The following TFB2M variants were observed in gnomAD, a reference collection of about 807,000 sequenced individuals.
TFB2M encodes the protein transcription factor B2, mitochondrial.
A neutral mutation model predicts 41.3 loss-of-function variants in TFB2M; 44 were observed. The observed-to-expected ratio is 1.07, with a 90% CI of 0.84 to 1.37. The LOEUF (loss-of-function observed/expected upper bound fraction) is 1.37. Among genes scored for constraint, TFB2M ranks in the 40% most tolerant of loss-of-function variants. The pLI is 0.00. For synonymous variants in TFB2M, 188 were observed against 176.8 expected (o/e 1.06, Z -0.50); for missense variants, 496 against 490.2 (o/e 1.01, Z -0.11).
intron 6 of TFB2M, among the ~76,000 whole-genome samples, chr1:246,548,210 C>A (rs531841973): frequency 6.6e-6 from 1 of 152,050 alleles, no homozygotes; most frequent in Non-Finnish European, 1.5e-5. Flanking sequence ...TCGATTAATA[C>A]GTCATAAAAT....
intron 6 of TFB2M, among the ~76,000 whole-genome samples, chr1:246,548,136 G>A (rs1376135834): frequency 6.6e-6 from 1 of 151,996 alleles, no homozygotes. Flanking sequence ...TAATAGAGGC[G>A]GGGTTTCACC....
At position 246,557,505 on chromosome 1, in the gene TFB2M, T is replaced by C. The variant is rs1325887825; in HGVS notation, c.432A>G (p.Leu144=). Residue 144 remains leucine, a synonymous_variant, in exon 3 of 8, where the codon CTA becomes CTG. Coordinates refer to ENST00000366514, the MANE Select transcript of TFB2M (RefSeq NM_022366.3). ...TAAAGAAGTCACAGTGAATCACTCG[T>C]AGTTTTCCATCCAGATTTTTTCCTA... is the stretch of plus-strand genomic sequence containing the variant. The part of the protein sequence containing the change: ...ESLGKNLDGK[L]RVIHCDFFKL... 5 of 1,608,276 alleles carry C rather than the reference T, an allele frequency of 3.1e-6. No individual in the cohort carries two copies. Among genetic ancestry groups the C allele is most frequent in the African/African-American group, 2.7e-5 (2 of 74,638 alleles).
chr1:246,541,061 C>A lies in TFB2M; in HGVS notation c.1161G>T (p.Trp387Cys). ...IERSKDCAYK[W>C]LYDETLEDR ...TATCTTCCAGGGTTTCATCATACAG[C>A]CATTTATAAGCACAATCTTTGGAAC... Residue 387 changes from tryptophan to cysteine, a missense_variant, in exon 8 of 8, where the codon TGG becomes TGT. Transcript: ENST00000366514. The A allele has an allele frequency of 1.2e-6, 2 of 1,613,018 alleles. No individual in the cohort carries two copies. The highest frequency in any genetic ancestry group is 1.7e-6 in the Non-Finnish European group (2 of 1,179,472).
chr1:246,549,370 T>A (rs1190793913), intron 5 of TFB2M, among the ~76,000 whole-genome samples: 1 of 152,008 alleles, frequency 6.6e-6, no homozygotes, highest in African/African-American at 2.4e-5. Flanking sequence ...CCGCTTGAGC[T>A]CAGGGGTTCA....
At position 246,552,229 on chromosome 1, in the gene TFB2M, C is replaced by T. The variant is rs141127184; in HGVS notation, c.706-927G>A. ...GTTTGGGGGTTCAGTGTGAGATGAC[C>T]GTGCCTGTGAAAAGCCATAGCACTC... On this transcript the variant is annotated intron_variant, in intron 4 of 7. Coordinates refer to ENST00000366514, the MANE Select transcript of TFB2M (RefSeq NM_022366.3). Among the ~76,000 whole-genome samples the T allele has an allele frequency of 1.6e-4, 25 of 151,908 alleles. No homozygotes were observed. The East Asian group carries it at 2.3e-3, about 14-fold the overall frequency.
In TFB2M at chr1:246,565,825, C is replaced by A; in HGVS notation, c.313+1G>T. 6.9e-6 allele frequency: 11 copies of A among 1,597,242 alleles called. No homozygotes were observed. Among genetic ancestry groups the A allele is most frequent in the Non-Finnish European group, 7.7e-6 (9 of 1,165,748 alleles). On this transcript the variant is annotated splice_donor_variant, in intron 1 of 7. Coordinates refer to ENST00000366514, the MANE Select transcript of TFB2M (RefSeq NM_022366.3). LOFTEE classifies it high-confidence loss of function. ...AGAAAATGCAATTCAGCTGGACTCA[C>A]CTGGATTGCACTCCAGCAGTAGGTG...
Position 246,546,520 on chromosome 1 carries a change from A to G in TFB2M, c.859-1839T>C, listed in dbSNP as rs556695743. Among the ~76,000 whole-genome samples, 21 of 151,606 alleles carry G rather than the reference A, an allele frequency of 1.4e-4. 1 individual carries two copies. The South Asian group carries it at 4.0e-3, about 29-fold the overall frequency. On this transcript the variant is annotated intron_variant, in intron 6 of 7. Coordinates refer to ENST00000366514, the MANE Select transcript of TFB2M (RefSeq NM_022366.3). ...ATCCCAGCATTCGGGAGGGTGAGGC[A>G]GGAGAAACACTTGAACTCGGGAGGT...
chr1:246,563,127 G>A (rs1219093185), intron 2 of TFB2M, among the ~76,000 whole-genome samples: 4 of 151,608 alleles, frequency 2.6e-5, no homozygotes, highest in Admixed American at 6.6e-5. Flanking sequence ...AAAGCCTGCC[G>A]CTGTGTGTTT....
chr1:246,564,302 T>G (rs763119799), intron 2 of TFB2M, 44 bp downstream of exon 2: 1 of 1,545,112 alleles, frequency 6.5e-7, no homozygotes, highest in Admixed American at 1.7e-5. Context: ...CACTCACAGA[T>G]AGTTGAACAA....
intron 5 of TFB2M, among the ~76,000 whole-genome samples, chr1:246,550,660 G>C (rs1015981857): frequency 2.6e-4 from 39 of 152,350 alleles, no homozygotes; most frequent in African/African-American, 8.9e-4. Flanking sequence ...GAGGCGGGTA[G>C]ATCACCTGAG....
chr1:246,562,457 A>G (rs1659480550), intron 2 of TFB2M, among the ~76,000 whole-genome samples: 1 of 152,230 alleles, frequency 6.6e-6, no homozygotes, highest in Admixed American at 6.5e-5. Flanking sequence ...CCTTAATCCA[A>G]AAATTCTGAA....
At position 246,541,179 on chromosome 1, in the gene TFB2M, C is replaced by T. The variant is rs199773297; in HGVS notation, c.1043G>A (p.Arg348Lys). ...TTTTCCTATTTGCATCAATATATCT[C>T]TCGCATCAAGTGGAGTCAATGAACT... Reference protein sequence around the residue: ...HLRSLTPLDARDILMQIGKQE... With the variant: ...HLRSLTPLDAKDILMQIGKQE... Residue 348 changes from arginine to lysine, a missense_variant, in exon 8 of 8, where the codon AGA becomes AAA. Coordinates refer to ENST00000366514, the MANE Select transcript of TFB2M (RefSeq NM_022366.3). 8.8e-5 allele frequency: 142 copies of T among 1,613,924 alleles called. 1 individual carries two copies. The highest frequency in any genetic ancestry group is 5.0e-4 in the Middle Eastern group (3 of 6,056).
rs200132271 is a variant in TFB2M at position 246,546,320 on chromosome 1, G to GAA, written c.859-1641_859-1640dup. 4.1e-5 allele frequency among the ~76,000 whole-genome samples: 6 copies of GAA among 147,042 alleles called. No homozygotes were observed. In the East Asian group the frequency reaches 1.2e-3, roughly 30 times the overall value. On this transcript the variant is annotated intron_variant, in intron 6 of 7. Coordinates refer to ENST00000366514, the MANE Select transcript of TFB2M (RefSeq NM_022366.3). ...AGTGAGACACTGTCTTTTAAAAAAA[G>GAA]AAAAAAAAATAGGCTGGGCGTGGCG... is the stretch of plus-strand genomic sequence containing the variant.
chr1:246,540,895 G>A lies in TFB2M; in HGVS notation c.*136C>T, dbSNP rs1658833980. ...CCAATAAGCCAATGATATCAGCTTA[G>A]GAGAAATGATCTGCCTGGCTTGTGC... On this transcript the variant is annotated 3_prime_UTR_variant, in exon 8 of 8. Coordinates refer to ENST00000366514, the MANE Select transcript of TFB2M (RefSeq NM_022366.3). 1.4e-6 allele frequency: 1 copy of A among 732,744 alleles called. No individual in the cohort carries two copies. The highest frequency in any genetic ancestry group is 3.2e-5 in the Admixed American group (1 of 31,564). 45.4% of individuals were successfully genotyped at this position (732,744 alleles called of 1,614,324 possible).
intron 7 of TFB2M, among the ~76,000 whole-genome samples, chr1:246,541,535 CTT>C (rs1359543791): frequency 6.6e-6 from 1 of 152,054 alleles, no homozygotes. Flanking sequence ...AAAAGCCTAA[CTT>C]ATTATATATA....
intron 4 of TFB2M, among the ~76,000 whole-genome samples, chr1:246,555,432 T>C (rs935757430): frequency 1.5e-4 from 23 of 151,960 alleles, no homozygotes; most frequent in Non-Finnish European, 2.6e-4. Flanking sequence ...TACAAAAAGC[T>C]GGGCCTGGTG....
intron 5 of TFB2M, among the ~76,000 whole-genome samples, chr1:246,550,985 T>C (rs1025479776): frequency 1.3e-5 from 2 of 151,790 alleles, no homozygotes; most frequent in Non-Finnish European, 2.9e-5. Flanking sequence ...AGGCCAGGAG[T>C]TCAAGACCAG....
Position 246,558,532 on chromosome 1 carries a change from G to C in TFB2M, c.403-998C>G, listed in dbSNP as rs186239208. Among the ~76,000 whole-genome samples, 199 of 152,282 alleles carry C rather than the reference G, an allele frequency of 1.3e-3. 1 individual carries two copies. Among genetic ancestry groups the C allele is most frequent in the African/African-American group, 4.6e-3 (190 of 41,550 alleles). On this transcript the variant is annotated intron_variant, in intron 2 of 7. Transcript: ENST00000366514. ...GCCTGCTTAGTAGTGGTTACCTGAA[G>C]CACTGGGCAAAGATTCTGACACCAT...
intron 6 of TFB2M, among the ~76,000 whole-genome samples, chr1:246,548,104 A>G (rs1659072560): frequency 6.6e-6 from 1 of 152,066 alleles, no homozygotes; most frequent in Non-Finnish European, 1.5e-5. Context: ...GCGCCACCAC[A>G]CCCAGCTAAG....
Sources: allele counts gnomAD v4.1 joint callset (sites outside exome capture counted in the v4.1 genomes callset), GRCh38; gene constraint gnomAD v4.1.1; transcripts MANE v1.5; gene names NCBI Gene and HGNC (gene_info 2026-07-23, HGNC 2026-07-21).